The following SAMD12 variants were observed in gnomAD, a reference collection of about 807,000 sequenced individuals.
SAMD12 encodes sterile alpha motif domain-containing protein 12.
A neutral mutation model predicts 15.0 loss-of-function variants in SAMD12; 9 were observed. The observed-to-expected ratio is 0.60, with a 90% CI of 0.36 to 1.05. SAMD12 has a LOEUF of 1.05. Ranked by LOEUF, SAMD12 falls within the 50% of genes least tolerant of loss-of-function variation. The pLI, the probability that SAMD12 is intolerant of heterozygous loss-of-function variation, is 0.01. For synonymous variants in SAMD12, 86 were observed against 90.1 expected, an observed-to-expected ratio of 0.96 and a Z score of 0.25; for missense variants, 230 against 234.2, an observed-to-expected ratio of 0.98 and a Z score of 0.12.
chr8:118,431,130 T>C (rs115903660), intron 3 of SAMD12, among the ~76,000 whole-genome samples: 3,050 of 152,258 alleles, frequency 0.02, 52 homozygotes, highest in Middle Eastern at 0.041. Flanking sequence ...AACACTATTC[T>C]TCACATGTAT....
chr8:118,160,555 T>C, the SAMD12 span, among the ~76,000 whole-genome samples: 1 of 152,190 alleles, frequency 6.6e-6, no homozygotes, highest in Non-Finnish European at 1.5e-5. Context: ...AACACACATA[T>C]GGTCAACTGA....
chr8:118,148,335 A>T, the SAMD12 span, among the ~76,000 whole-genome samples: 1 of 152,202 alleles, frequency 6.6e-6, no homozygotes, highest in Admixed American at 6.5e-5. Context: ...ATTATTTTTT[A>T]AAATTACAAA....
chr8:118,151,656 A>G, the SAMD12 span, among the ~76,000 whole-genome samples: 110,536 of 151,394 alleles, frequency 0.73, 41,879 homozygotes, highest in Non-Finnish European at 0.84. Flanking sequence ...GTGAAACCTC[A>G]TCTCTACTAA....
At chr8:118,292,616 G>C (rs929472031) in intron 4 of SAMD12, among the ~76,000 whole-genome samples, 4 of 151,792 alleles carry the variant, frequency 2.6e-5, no homozygotes, top group Non-Finnish European at 5.9e-5. Context: ...GTTTATTGCA[G>C]CATTATTCAC....
chr8:118,223,654 T>C (rs905150389), intron 4 of SAMD12, among the ~76,000 whole-genome samples: 1 of 152,170 alleles, frequency 6.6e-6, no homozygotes, highest in Admixed American at 6.5e-5. Context: ...AAAAGTTGAG[T>C]TTCTGAGAAC....
chr8:118,210,656 C>G (rs1193369326), intron 4 of SAMD12, among the ~76,000 whole-genome samples: 1 of 152,184 alleles, frequency 6.6e-6, no homozygotes, highest in East Asian at 1.9e-4. Flanking sequence ...CTCAACTTCT[C>G]CTTCCATCCT....
chr8:118,581,935 A>G (rs1480410858), intron 1 of SAMD12, among the ~76,000 whole-genome samples: 1 of 152,006 alleles, frequency 6.6e-6, no homozygotes, highest in Non-Finnish European at 1.5e-5. Context: ...TCTCCACTTC[A>G]TCAATAATCT....
chr8:118,218,618 T>C (rs913989547), intron 4 of SAMD12, among the ~76,000 whole-genome samples: 1 of 151,434 alleles, frequency 6.6e-6, no homozygotes, highest in African/African-American at 2.4e-5. Context: ...CAAGAACGTG[T>C]GGTATTTGTC....
chr8:118,512,114 G>A (rs888925013), intron 2 of SAMD12, among the ~76,000 whole-genome samples: 2 of 151,902 alleles, frequency 1.3e-5, no homozygotes, highest in Non-Finnish European at 2.9e-5. Flanking sequence ...ATTGTTTTTG[G>A]AGCACCTATC....
intron 2 of SAMD12, among the ~76,000 whole-genome samples, chr8:118,468,191 T>C (rs6985310): frequency 6.6e-6 from 1 of 152,082 alleles, no homozygotes; most frequent in South Asian, 2.1e-4. Flanking sequence ...CCTAACAATA[T>C]GAACAACATA....
chr8:118,133,031 ATTAC>A, the SAMD12 span, among the ~76,000 whole-genome samples: 2 of 100,760 alleles, frequency 2.0e-5, no homozygotes, highest in African/African-American at 7.3e-5. Context: ...TATATATCTT[ATTAC>A]TTAATATGAG....
intron 4 of SAMD12, among the ~76,000 whole-genome samples, chr8:118,215,009 A>G (rs188404493): frequency 2.0e-5 from 3 of 152,390 alleles, no homozygotes; most frequent in Admixed American, 2.0e-4. Context: ...TACTTGCAGC[A>G]CTATTTAAAA....
At chr8:118,406,890 TTGTGTGTGTGTGTGTG>T (rs3052708) in intron 3 of SAMD12, among the ~76,000 whole-genome samples, 1 of 147,330 alleles carries the variant, frequency 6.8e-6, no homozygotes, top group African/African-American at 2.5e-5. Context: ...CAATATTCCA[TTGTGTGTGTGTGTGTG>T]TGTGTGTGTG....
intron 3 of SAMD12, among the ~76,000 whole-genome samples, chr8:118,388,878 G>C (rs1678332999): frequency 6.6e-6 from 1 of 152,144 alleles, no homozygotes; most frequent in Non-Finnish European, 1.5e-5. Context: ...GAGTAAAGTA[G>C]GGTGAGAGGA....
At chr8:118,447,030 A>G (rs762796738) in intron 2 of SAMD12, among the ~76,000 whole-genome samples, 1 of 152,148 alleles carries the variant, frequency 6.6e-6, no homozygotes, top group Admixed American at 6.5e-5. Context: ...CCTACATTTC[A>G]TATCATAGAA....
chr8:118,503,598 C>A (rs1448895454), intron 2 of SAMD12, among the ~76,000 whole-genome samples: 2 of 152,184 alleles, frequency 1.3e-5, no homozygotes, highest in African/African-American at 4.8e-5. Flanking sequence ...CGCTGCCTTT[C>A]ATCCTTTCTA....
At chr8:118,389,053 C>T (rs2130746045) in intron 3 of SAMD12, among the ~76,000 whole-genome samples, 1 of 152,266 alleles carries the variant, frequency 6.6e-6, no homozygotes, top group East Asian at 1.9e-4. Flanking sequence ...CCAAGAGAAT[C>T]TTGACTTAAA....
chr8:118,435,808 C>A (rs1478970539), intron 3 of SAMD12, among the ~76,000 whole-genome samples: 2 of 152,138 alleles, frequency 1.3e-5, no homozygotes, highest in African/African-American at 4.8e-5. Flanking sequence ...GTGAACGCAT[C>A]TTTAAGATTT....
chr8:118,390,988 A>G (rs547410055), intron 3 of SAMD12, among the ~76,000 whole-genome samples: 2 of 152,342 alleles, frequency 1.3e-5, no homozygotes, highest in African/African-American at 2.4e-5. Context: ...AAAGAAATAT[A>G]TTACAGTGCT....
Sources: gnomAD v4.1 joint callset for allele counts (sites outside exome capture counted in the v4.1 genomes callset) on GRCh38, gnomAD v4.1.1 for gene constraint, MANE v1.5 for transcripts, NCBI Gene and HGNC (gene_info 2026-07-23, HGNC 2026-07-21) for gene names.